The following SCN11A variants were observed in gnomAD, a reference collection of about 807,000 sequenced individuals.
SCN11A encodes the protein sodium channel protein type 11 subunit alpha.
In SCN11A, 122 loss-of-function variants were observed where a neutral mutation model predicts 162.2. That is an observed-to-expected ratio of 0.75 (90% CI 0.65 to 0.87). The LOEUF is 0.87. SCN11A is among the 40% of genes least tolerant of loss of function. The pLI, the probability that SCN11A is intolerant of heterozygous loss-of-function variation, is 0.00. For missense variants in SCN11A, 2,015 were observed against 2,181.6 expected (o/e 0.92, Z 1.52); for synonymous variants, 758 against 751.5 (o/e 1.01, Z -0.14).
At position 38,867,421 on chromosome 3, in the gene SCN11A, C is replaced by T. The variant is rs755416318; in HGVS notation, c.3851G>A (p.Gly1284Asp). ...GATAAAGACTACGAAGTAAATGTAA[C>T]CGAGTGAATTGCTCTCAAACTCTGG... ...QQPEFESNSL[G>D]YIYFVVFIIF... The change falls in exon 27 of 30, where the codon GGT (glycine) becomes GAT (aspartate). Residue 1284 changes from glycine to aspartate, a missense_variant. Physicochemically the swap from Gly to Asp is moderately conservative, Grantham distance 94. Coordinates refer to ENST00000302328, the MANE Select transcript of SCN11A (RefSeq NM_001349253.2). The T allele has an allele frequency of 1.1e-5, 17 of 1,612,872 alleles. No individual in the cohort carries two copies. The highest frequency in any genetic ancestry group is 2.7e-5 in the African/African-American group (2 of 74,856).
In SCN11A at chr3:38,885,393, C is replaced by G; in HGVS notation, c.2959G>C (p.Val987Leu). The G allele has an allele frequency of 2.5e-6, 4 of 1,587,538 alleles. No individual in the cohort carries two copies. Among genetic ancestry groups the G allele is most frequent in the Non-Finnish European group, 3.5e-6 (4 of 1,155,808 alleles). The change falls in exon 21 of 30, where the codon GTT becomes CTT. Residue 987 changes from valine (V) to leucine (L), a missense_variant. By Grantham distance (32) the Val-to-Leu change is conservative (BLOSUM62 1). Transcript: ENST00000302328. The stretch of plus-strand genomic sequence containing the variant: ...CTACATTCTGATAGTATACTGGTAA[C>G]ATCAGACTTCTGCACATCAGAACAA... ...TIQDPRKKSDVTSILSECSTI... is the reference protein window; with the variant it reads ...TIQDPRKKSDLTSILSECSTI...
intron 2 of SCN11A, among the ~76,000 whole-genome samples, chr3:38,996,672 T>G (rs2030641037): frequency 6.6e-6 from 1 of 152,212 alleles, no homozygotes; most frequent in Non-Finnish European, 1.5e-5. Context: ...GACCCACCTA[T>G]TAGCATCTGC....
chr3:38,978,314 T>C (rs2066861515), intron 2 of SCN11A, among the ~76,000 whole-genome samples: 2 of 152,256 alleles, frequency 1.3e-5, no homozygotes, highest in African/African-American at 4.8e-5. Context: ...AGATATATTC[T>C]TTTTAAAATC....
chr3:38,917,630 C>T (rs1295597718), intron 11 of SCN11A, among the ~76,000 whole-genome samples: 1 of 152,052 alleles, frequency 6.6e-6, no homozygotes, highest in Non-Finnish European at 1.5e-5. Flanking sequence ...CACATGGACA[C>T]ACAGTGGAGA....
chr3:38,893,889 A>T (rs929687781), intron 19 of SCN11A, among the ~76,000 whole-genome samples: 1 of 152,202 alleles, frequency 6.6e-6, no homozygotes, highest in African/African-American at 2.4e-5. Context: ...AGAGAAATTT[A>T]TAGCTATCAA....
rs2032396737 is a variant in SCN11A at position 39,051,883 on chromosome 3, C to T, written c.-426G>A. On this transcript the variant is annotated 5_prime_UTR_variant, in exon 1 of 30. The change creates a new upstream start codon in the 5' untranslated region. Coordinates refer to ENST00000302328, the MANE Select transcript of SCN11A (RefSeq NM_001349253.2). ...TACCTCATCACATGGCTACCGGCCA[C>T]ACAGCAACTAACAGCACCGAGGAAA... The T allele has an allele frequency of 2.0e-6, 2 of 976,018 alleles. No individual in the cohort carries two copies. Among genetic ancestry groups the T allele is most frequent in the East Asian group, 2.7e-5 (1 of 37,678 alleles). 60.5% of individuals were successfully genotyped at this position (976,018 alleles called of 1,614,324 possible). A position where few individuals can be genotyped will look rare whatever the true frequency, so the allele number is the denominator to read the frequency against.
chr3:38,863,236 A>AT lies in SCN11A; in HGVS notation c.4014dup (p.Leu1339IlefsTer31), dbSNP rs1016939517. 6.2e-7 allele frequency: 1 copy of AT among 1,608,458 alleles called. No homozygotes were observed. Among genetic ancestry groups the AT allele is most frequent in the Non-Finnish European group, 8.5e-7 (1 of 1,175,418 alleles). ...GGTTTTTGAGGTTTTTTGGATCCTAATTTTTTCATTGCATTATAGTATTTC... is the reference window on the plus strand; with the variant it reads ...GGTTTTTGAGGTTTTTTGGATCCTAATTTTTTTCATTGCATTATAGTATTTC... On this transcript the variant is annotated frameshift_variant, in exon 28 of 30. Transcript: ENST00000302328. LOFTEE classifies it high-confidence loss of function.
At chr3:38,907,814 T>C in intron 14 of SCN11A, 135 bp downstream of exon 14, 2 of 720,362 alleles carry the variant, frequency 2.8e-6, no homozygotes, top group Non-Finnish European at 4.6e-6. Flanking sequence ...GACACATGGA[T>C]GCATGAAAGT....
intron 2 of SCN11A, among the ~76,000 whole-genome samples, chr3:38,993,599 G>A (rs529697105): frequency 1.3e-5 from 2 of 152,306 alleles, no homozygotes; most frequent in South Asian, 4.1e-4. Flanking sequence ...ACTACAGGGA[G>A]GCACTGCAAA....
At chr3:39,042,816 G>A (rs954647234) in intron 1 of SCN11A, among the ~76,000 whole-genome samples, 16 of 151,730 alleles carry the variant, frequency 1.1e-4, no homozygotes, top group Admixed American at 5.3e-4. Context: ...AATTATTCAG[G>A]CTTGGTGGCG....
chr3:38,888,232 G>A (rs2065435295), intron 19 of SCN11A, among the ~76,000 whole-genome samples: 1 of 152,206 alleles, frequency 6.6e-6, no homozygotes, highest in Non-Finnish European at 1.5e-5. Context: ...CCTCAGAAAT[G>A]GGACCTGGGC....
intron 2 of SCN11A, among the ~76,000 whole-genome samples, chr3:38,961,800 T>C (rs1321385412): frequency 6.6e-6 from 1 of 152,266 alleles, no homozygotes; most frequent in Admixed American, 6.5e-5. Flanking sequence ...TTGTCAAATG[T>C]ATAGATGGTG....
At chr3:39,011,996 T>C (rs1047382855) in intron 2 of SCN11A, among the ~76,000 whole-genome samples, 1 of 152,172 alleles carries the variant, frequency 6.6e-6, no homozygotes, top group African/African-American at 2.4e-5. Context: ...AAAAATAATA[T>C]TTGATTTGGG....
chr3:39,028,097 G>T (rs1212436276), intron 2 of SCN11A, among the ~76,000 whole-genome samples: 1 of 152,036 alleles, frequency 6.6e-6, no homozygotes, highest in Non-Finnish European at 1.5e-5. Context: ...AAAAACTGTG[G>T]GAGTACAGTC....
At chr3:38,950,423 A>ATTC (rs2066595566) in intron 4 of SCN11A, 54 bp from the exon 5 acceptor site, 11 of 1,561,526 alleles carry the variant, frequency 7.0e-6, no homozygotes, top group Non-Finnish European at 9.7e-6. Context: ...AGGCGGGAAT[A>ATTC]AAACAGCCTG....
intron 19 of SCN11A, among the ~76,000 whole-genome samples, chr3:38,891,725 T>C (rs752395505): frequency 2.0e-5 from 3 of 152,130 alleles, no homozygotes; most frequent in Admixed American, 1.3e-4. Flanking sequence ...GGCAGCAAAC[T>C]CATTCTTTTA....
intron 5 of SCN11A, among the ~76,000 whole-genome samples, chr3:38,947,823 A>G (rs73828740): frequency 0.016 from 2,435 of 152,350 alleles, 68 homozygotes; most frequent in African/African-American, 0.056. Context: ...CCCCATGGCT[A>G]TCAGTTACAA....
intron 28 of SCN11A, among the ~76,000 whole-genome samples, chr3:38,860,610 C>G (rs1247974230): frequency 1.3e-5 from 2 of 152,164 alleles, no homozygotes; most frequent in Non-Finnish European, 2.9e-5. Flanking sequence ...AAATGTGATA[C>G]ATCACATAAA....
intron 7 of SCN11A, among the ~76,000 whole-genome samples, chr3:38,941,304 GA>G (rs1241036261): frequency 6.6e-6 from 1 of 152,172 alleles, no homozygotes; most frequent in African/African-American, 2.4e-5. Flanking sequence ...TATATACAAT[GA>G]AACTCTACTT....
Sources: gnomAD v4.1 joint callset for allele counts (sites outside exome capture counted in the v4.1 genomes callset) on GRCh38, gnomAD v4.1.1 for gene constraint, MANE v1.5 for transcripts, NCBI Gene and HGNC (gene_info 2026-07-23, HGNC 2026-07-21) for gene names.